Variants in ATCAY observed in about 807,000 individuals in gnomAD.
ATCAY encodes the protein caytaxin.
In ATCAY, 22 loss-of-function variants were observed where a neutral mutation model predicts 47.7. The observed-to-expected ratio is 0.46, with a 90% CI of 0.33 to 0.66. The LOEUF (loss-of-function observed/expected upper bound fraction) is 0.66. ATCAY is among the 30% of genes least tolerant of loss of function. The probability of loss-of-function intolerance (pLI) is 0.02; values close to 1 mark genes in which losing one functional copy is unlikely to be tolerated. For synonymous variants in ATCAY, 216 were observed against 207.6 expected (o/e 1.04, Z -0.35); for missense variants, 452 against 515.0 (o/e 0.88, Z 1.18).
chr19:3,904,749 C>G (rs1168174193), intron 3 of ATCAY, among the ~76,000 whole-genome samples: 3 of 152,122 alleles, frequency 2.0e-5, no homozygotes, highest in Non-Finnish European at 4.4e-5. Context: ...GACATCGTTA[C>G]AGGATCCTCA....
chr19:3,908,390 GAGCAGCCT>G lies in ATCAY; in HGVS notation c.647+21_647+28del. 6.4e-7 allele frequency: 1 copy of G among 1,556,422 alleles called. No individual in the cohort carries two copies. The highest frequency in any genetic ancestry group is 8.7e-7 in the Non-Finnish European group (1 of 1,146,520). ...CTTCCTGTGAGTCCCCGCCCGCGGCGAGCAGCCTCGGGCCAGCTCTGATGCCTCCCTGG... is the reference window on the plus strand; with the variant it reads ...CTTCCTGTGAGTCCCCGCCCGCGGCGCGGGCCAGCTCTGATGCCTCCCTGG... On this transcript the variant is annotated intron_variant, in intron 6 of 12. Coordinates refer to ENST00000450849, the MANE Select transcript of ATCAY (RefSeq NM_033064.5).
Position 3,918,815 on chromosome 19 carries a change from C to T in ATCAY, c.1011C>T (p.Pro337=). 1.2e-6 allele frequency: 2 copies of T among 1,613,978 alleles called. No individual in the cohort carries two copies. Among genetic ancestry groups the T allele is most frequent in the Non-Finnish European group, 1.7e-6 (2 of 1,179,876 alleles). The change falls in exon 11 of 13, where the codon CCC becomes CCT. Residue 337 remains proline (P), a synonymous_variant. Coordinates refer to ENST00000450849, the MANE Select transcript of ATCAY (RefSeq NM_033064.5). Reference sequence around the variant, plus strand: ...TTCTCTCTGTCCACAGCGCGAGGCCCCAGCCGGAGTTTGTGCTGCCCAGGT... The same window carrying T: ...TTCTCTCTGTCCACAGCGCGAGGCCTCAGCCGGAGTTTGTGCTGCCCAGGT... ...RLKARRESAR[P]QPEFVLPRSE... is the part of the protein sequence containing the mutation.
At position 3,907,675 on chromosome 19, in the gene ATCAY, G is replaced by C; in HGVS notation, c.359-59G>C. On this transcript the variant is annotated intron_variant, in intron 4 of 12. Transcript: ENST00000450849. This position sits in a 1 kb window ranked among gnomAD's most constrained non-coding sequence, Gnocchi z 5.1. ...GGGAGAGGGGAAGGAAGGCTGAGCA[G>C]GAGGGCAGGAGATATCCGGACTCTG... 1 of 1,594,030 alleles carries C rather than the reference G, an allele frequency of 6.3e-7. No homozygotes were observed. Among genetic ancestry groups the C allele is most frequent in the Middle Eastern group, 2.0e-4 (1 of 5,042 alleles).
Position 3,924,897 on chromosome 19 carries a change from G to A in ATCAY, c.*305G>A, listed in dbSNP as rs1399772954. On this transcript the variant is annotated 3_prime_UTR_variant, in exon 13 of 13. Transcript: ENST00000450849. ...GCAAGAAGCGCAGGGGGTGGCCCGC[G>A]TGGCGTCGGTGGCCTCCGCTCCTGC... is the stretch of plus-strand genomic sequence containing the variant. 12 of 374,644 alleles carry A rather than the reference G, an allele frequency of 3.2e-5. No homozygotes were observed. Among genetic ancestry groups the A allele is most frequent in the South Asian group, 1.8e-4 (5 of 27,220 alleles). 23.2% of individuals were successfully genotyped at this position (374,644 alleles called of 1,614,324 possible). A position where few individuals can be genotyped will look rare whatever the true frequency, so the allele number is the denominator to read the frequency against.
chr19:3,907,633 C>A lies in ATCAY; in HGVS notation c.359-101C>A. ...GGGAGAAGCGAAGGACTTGTGGGTC[C>A]CGGCAGCGAGGGAGGTGGGAGAGGG... is the stretch of plus-strand genomic sequence containing the variant. On this transcript the variant is annotated intron_variant, in intron 4 of 12. Coordinates refer to ENST00000450849, the MANE Select transcript of ATCAY (RefSeq NM_033064.5). The surrounding 1 kb of genome is among the most constrained non-coding windows in gnomAD (Gnocchi z 5.1). 1 of 1,421,040 alleles carries A rather than the reference C, an allele frequency of 7.0e-7. No homozygotes were observed. The allele number at this position is 1,421,040 out of a possible 1,614,324, so 88.0% of individuals were successfully genotyped here. A position where few individuals can be genotyped will look rare whatever the true frequency, so the allele number is the denominator to read the frequency against.
chr19:3,918,685 AC>A, intron 10 of ATCAY, 120 bp from the exon 11 acceptor site: 1 of 945,692 alleles, frequency 1.1e-6, no homozygotes, highest in East Asian at 2.5e-5. Flanking sequence ...GGAACATCTC[AC>A]TGGTTTGGAA....
At chr19:3,918,426 G>A (rs910612924) in intron 10 of ATCAY, among the ~76,000 whole-genome samples, 7 of 151,506 alleles carry the variant, frequency 4.6e-5, no homozygotes, top group African/African-American at 1.7e-4. Context: ...GGTGGCATGC[G>A]CCTGTAGTTC....
chr19:3,889,600 AAAT>A (rs1441932067), intron 2 of ATCAY, among the ~76,000 whole-genome samples: 1 of 152,084 alleles, frequency 6.6e-6, no homozygotes, highest in Non-Finnish European at 1.5e-5. Context: ...TATCTAAGAA[AAAT>A]AATAATAATT....
intron 3 of ATCAY, among the ~76,000 whole-genome samples, 156 bp downstream of exon 3, chr19:3,902,701 G>A (rs2038825719): frequency 6.6e-6 from 1 of 152,194 alleles, no homozygotes; most frequent in African/African-American, 2.4e-5. Context: ...TGGTGGGTGA[G>A]AGACACAATG....
Position 3,902,508 on chromosome 19 carries a change from G to C in ATCAY, c.99G>C (p.Gly33=), listed in dbSNP as rs207476986. 1.1e-5 allele frequency: 18 copies of C among 1,580,600 alleles called. No homozygotes were observed. The highest frequency in any genetic ancestry group is 1.4e-5 in the Non-Finnish European group (16 of 1,163,364). The change falls in exon 3 of 13, where the codon GGG becomes GGC. Residue 33 remains glycine, a synonymous_variant. Coordinates refer to ENST00000450849, the MANE Select transcript of ATCAY (RefSeq NM_033064.5). ...GCAGGCCACTCCCAGAAGAGACGGG[G>C]GTGGAACTGCTTGGCAGCCCGGTGG... ...DLPRPLPEET[G]VELLGSPVED...
chr19:3,881,277 G>A (rs559222714), intron 1 of ATCAY, among the ~76,000 whole-genome samples: 25 of 151,960 alleles, frequency 1.6e-4, no homozygotes, highest in African/African-American at 5.8e-4. Context: ...TGAGAGCTCG[G>A]GCGGATGAAA....
At chr19:3,887,093 G>A (rs932600990) in intron 2 of ATCAY, among the ~76,000 whole-genome samples, 3 of 152,156 alleles carry the variant, frequency 2.0e-5, no homozygotes, top group Admixed American at 2.0e-4. Context: ...CCCAACCTAA[G>A]GATAGTGCCT....
chr19:3,912,947 T>C (rs2038936067), intron 8 of ATCAY, among the ~76,000 whole-genome samples: 1 of 150,130 alleles, frequency 6.7e-6, no homozygotes, highest in Non-Finnish European at 1.5e-5. Flanking sequence ...ATGGCCAGAA[T>C]TCAGGATTGG....
intron 2 of ATCAY, among the ~76,000 whole-genome samples, chr19:3,888,008 G>T (rs999652959): frequency 6.6e-6 from 1 of 151,642 alleles, no homozygotes; most frequent in African/African-American, 2.4e-5. Context: ...CCCAGTACTC[G>T]GGAGGCTGAG....
intron 2 of ATCAY, among the ~76,000 whole-genome samples, chr19:3,895,394 T>C (rs148684926): frequency 0.01 from 1,595 of 152,152 alleles, 38 homozygotes; most frequent in African/African-American, 0.036. Flanking sequence ...TTTGTATTTT[T>C]AGTAGAGATG....
chr19:3,892,137 G>A (rs1015295352), intron 2 of ATCAY, among the ~76,000 whole-genome samples: 11 of 151,952 alleles, frequency 7.2e-5, no homozygotes, highest in Non-Finnish European at 7.4e-5. Context: ...TGATCCACCC[G>A]CCTCAGCTTC....
Position 3,889,026 on chromosome 19 carries a change from T to C in ATCAY, c.77+3182T>C, listed in dbSNP as rs554307871. Among the ~76,000 whole-genome samples the C allele has an allele frequency of 2.5e-3, 382 of 152,228 alleles. 2 individuals are homozygous for C. The highest frequency in any genetic ancestry group is 8.4e-3 in the African/African-American group (350 of 41,544). On this transcript the variant is annotated intron_variant, in intron 2 of 12. Coordinates refer to ENST00000450849, the MANE Select transcript of ATCAY (RefSeq NM_033064.5). ...GGCTGATGTCTGTAATCCCAGCTCT[T>C]TGGGAGGCCAAGGCGGGAGGATCGC...
chr19:3,902,509 G>C lies in ATCAY; in HGVS notation c.100G>C (p.Val34Leu), dbSNP rs774788713. 3.8e-6 allele frequency: 6 copies of C among 1,580,912 alleles called. No homozygotes were observed. The highest frequency in any genetic ancestry group is 4.3e-6 in the Non-Finnish European group (5 of 1,163,486). ...LPRPLPEETG[V>L]ELLGSPVEDT... ...CAGGCCACTCCCAGAAGAGACGGGGGTGGAACTGCTTGGCAGCCCGGTGGA... is the reference window on the plus strand; with the variant it reads ...CAGGCCACTCCCAGAAGAGACGGGGCTGGAACTGCTTGGCAGCCCGGTGGA... Residue 34 changes from valine to leucine, a missense_variant, in exon 3 of 13, where the codon GTG becomes CTG. By Grantham distance (32) the Val-to-Leu change is conservative. Coordinates refer to ENST00000450849, the MANE Select transcript of ATCAY (RefSeq NM_033064.5).
At chr19:3,919,123 C>G (rs1169124067) in intron 11 of ATCAY, among the ~76,000 whole-genome samples, 2 of 150,940 alleles carry the variant, frequency 1.3e-5, no homozygotes, top group Non-Finnish European at 2.9e-5. Context: ...ACTAAAAATA[C>G]AAAAATTAGC....
Sources: gnomAD v4.1 joint callset for allele counts (sites outside exome capture counted in the v4.1 genomes callset) on GRCh38, gnomAD v4.1.1 for gene constraint, Gnocchi (gnomAD v3.1) non-coding constraint, MANE v1.5 for transcripts, NCBI Gene and HGNC (gene_info 2026-07-23, HGNC 2026-07-21) for gene names.